Variants in PIEZO2 observed in about 807,000 individuals in gnomAD.
PIEZO2 encodes piezo type mechanosensitive ion channel component 2.
PIEZO2 carries 172 observed loss-of-function variants against 337.3 expected under a neutral mutation model. The ratio of observed to expected loss-of-function variants is 0.51; its 90% CI spans 0.45 to 0.58. The LOEUF (loss-of-function observed/expected upper bound fraction) is 0.58. Among genes scored for constraint, PIEZO2 ranks in the 20% least tolerant of loss-of-function variants. PIEZO2 has a pLI of 0.00. For missense variants in PIEZO2, 3,028 were observed against 3,391.3 expected, an observed-to-expected ratio of 0.89 and a Z score of 2.66; for synonymous variants, 1,251 against 1,228.5, an observed-to-expected ratio of 1.02 and a Z score of -0.38.
chr18:10,946,923 A>AT (rs143464630), intron 3 of PIEZO2, among the ~76,000 whole-genome samples: 7,701 of 151,872 alleles, frequency 0.051, 298 homozygotes, highest in East Asian at 0.12. Context: ...TCTGGCAAGA[A>AT]TTTTAAAGCA....
rs1225812864 is a variant in PIEZO2 at position 10,853,841 on chromosome 18, ACC to A, written c.917+1510_917+1511del. On this transcript the variant is annotated intron_variant, in intron 7 of 55. Coordinates refer to ENST00000674853, the MANE Select transcript of PIEZO2 (RefSeq NM_001378183.1). This position sits in a 1 kb window ranked among gnomAD's most constrained non-coding sequence, Gnocchi z 4.2. ...CTAAAATAATGGCATTTTTCTGTCT[ACC>A]CACAAAACCATCATACACCTAAGAA... is the stretch of plus-strand genomic sequence containing the variant. Among the ~76,000 whole-genome samples the A allele has an allele frequency of 4.6e-5, 7 of 152,338 alleles. No individual in the cohort carries two copies. The South Asian group carries it at 1.5e-3, about 32-fold the overall frequency.
In PIEZO2 at chr18:11,036,634, C is replaced by T. The variant is rs538637975; in HGVS notation, c.160+29493G>A. On this transcript the variant is annotated intron_variant, in intron 2 of 55. Transcript: ENST00000674853. ...ATATTTTATTTTATATAAACTCTGA[C>T]AGACTTTTGCAGGCACTGAATAATT... is the stretch of plus-strand genomic sequence containing the variant. Among the ~76,000 whole-genome samples, 11 of 151,780 alleles carry T rather than the reference C, an allele frequency of 7.2e-5. No individual in the cohort carries two copies. In the South Asian group the frequency reaches 2.1e-3, roughly 29 times the overall value.
Position 11,001,509 on chromosome 18 carries a change from CTATGTAG to C in PIEZO2, c.161-21856_161-21850del, listed in dbSNP as rs1387984261. Among the ~76,000 whole-genome samples, 1 of 152,116 alleles carries C rather than the reference CTATGTAG, an allele frequency of 6.6e-6. No individual in the cohort carries two copies. The highest frequency in any genetic ancestry group is 6.5e-5 in the Admixed American group (1 of 15,272). ...ACGACTGTGATTATCCTCCAGTCCC[CTATGTAG>C]CTGTATTTTGTTATGTGTTGTGTGT... is the stretch of plus-strand genomic sequence containing the variant. On this transcript the variant is annotated intron_variant, in intron 2 of 55. Coordinates refer to ENST00000674853, the MANE Select transcript of PIEZO2 (RefSeq NM_001378183.1). The surrounding 1 kb of genome is among the most constrained non-coding windows in gnomAD (Gnocchi z 5.3).
chr18:11,107,075 C>G (rs2039590718), intron 1 of PIEZO2, among the ~76,000 whole-genome samples: 1 of 152,150 alleles, frequency 6.6e-6, no homozygotes, highest in Admixed American at 6.5e-5. Flanking sequence ...TCAATGACCG[C>G]AACTTTTCAC....
chr18:10,676,641 T>C lies in PIEZO2; in HGVS notation c.8081+1106A>G, dbSNP rs2034014271. 1.3e-5 allele frequency among the ~76,000 whole-genome samples: 2 copies of C among 152,158 alleles called. No homozygotes were observed. The highest frequency in any genetic ancestry group is 4.8e-5 in the African/African-American group (2 of 41,430). ...AGGGTCTTTGCCTGGCTTTTGGTGA[T>C]TATGGTCAGATAAGAGCAAGGTTTG... On this transcript the variant is annotated intron_variant, in intron 53 of 55. Transcript: ENST00000674853. The surrounding 1 kb of genome is among the most constrained non-coding windows in gnomAD (Gnocchi z 5.1).
chr18:11,024,123 C>T (rs2036435722), intron 2 of PIEZO2, among the ~76,000 whole-genome samples: 1 of 152,234 alleles, frequency 6.6e-6, no homozygotes, highest in South Asian at 2.1e-4. Flanking sequence ...AAGGGCTCCT[C>T]AAGCGCGGCC....
Position 10,794,987 on chromosome 18 carries a change from A to G in PIEZO2, c.1543T>C (p.Tyr515His), listed in dbSNP as rs777924794. The change falls in exon 13 of 56, where the codon TAT becomes CAT. Residue 515 changes from tyrosine to histidine, a missense_variant. Tyr to His is a moderately conservative substitution (Grantham distance 83, BLOSUM62 2). Around this residue, in one of 5 missense-constraint regions of PIEZO2, gnomAD observed 50 missense variants for 88.2 expected, o/e 0.57. Transcript: ENST00000674853. This position sits in a 1 kb window ranked among gnomAD's most constrained non-coding sequence, Gnocchi z 6.6. ...AGCACGAAGGTCAGCCAGCTGTGAT[A>G]GGTGATGCTCCAGGCCTCCGGAGGA... The part of the protein sequence containing the change: ...LIAMMAWSIT[Y>H]HSWLTFVLLI... 1 of 1,545,954 alleles carries G rather than the reference A, an allele frequency of 6.5e-7. No homozygotes were observed. The highest frequency in any genetic ancestry group is 1.2e-5 in the South Asian group (1 of 84,002).
chr18:10,867,853 G>A (rs190329103), intron 5 of PIEZO2, among the ~76,000 whole-genome samples: 10 of 152,306 alleles, frequency 6.6e-5, no homozygotes, highest in African/African-American at 2.2e-4. Flanking sequence ...AGTTATGACT[G>A]ATTTGTAGAT....
At chr18:11,145,303 T>C (rs1023257668) in intron 1 of PIEZO2, among the ~76,000 whole-genome samples, 35 of 152,196 alleles carry the variant, frequency 2.3e-4, no homozygotes, top group African/African-American at 7.5e-4. Flanking sequence ...AACATCTGCA[T>C]TGAAGAGGCC....
In PIEZO2 at chr18:10,759,386, G is replaced by C; in HGVS notation, c.3757+96C>G. On this transcript the variant is annotated intron_variant, in intron 26 of 55. Coordinates refer to ENST00000674853, the MANE Select transcript of PIEZO2 (RefSeq NM_001378183.1). The surrounding 1 kb of genome is among the most constrained non-coding windows in gnomAD (Gnocchi z 5.5). ...AGCCTTTACATGATTACGAAGTCTAGTGGAAGACAAAAGGCACTAATGCAT... is the reference window on the plus strand; with the variant it reads ...AGCCTTTACATGATTACGAAGTCTACTGGAAGACAAAAGGCACTAATGCAT... 1 of 1,029,462 alleles carries C rather than the reference G, an allele frequency of 9.7e-7. No homozygotes were observed. The highest frequency in any genetic ancestry group is 3.0e-4 in the Middle Eastern group (1 of 3,318). The allele number at this position is 1,029,462 out of a possible 1,614,324, so 63.8% of individuals were successfully genotyped here. A position where few individuals can be genotyped will look rare whatever the true frequency, so the allele number is the denominator to read the frequency against.
In PIEZO2 at chr18:10,794,961, C is replaced by T. The variant is rs569817572; in HGVS notation, c.1569G>A (p.Leu523=). 4.7e-5 allele frequency: 73 copies of T among 1,547,784 alleles called. No homozygotes were observed. In the African/African-American group the frequency reaches 9.3e-4, roughly 20 times the overall value. ...TCCAAAGAGTGCACGACCAGATCAG[C>T]AGCACGAAGGTCAGCCAGCTGTGAT... ...ITYHSWLTFV[L]LIWSCTLWMI... is the part of the protein sequence containing the mutation. Residue 523 remains leucine, a synonymous_variant, in exon 13 of 56, where the codon CTG becomes CTA. Coordinates refer to ENST00000674853, the MANE Select transcript of PIEZO2 (RefSeq NM_001378183.1). This position sits in a 1 kb window ranked among gnomAD's most constrained non-coding sequence, Gnocchi z 6.6.
chr18:10,994,116 C>T (rs1375482509), intron 2 of PIEZO2, among the ~76,000 whole-genome samples: 1 of 152,134 alleles, frequency 6.6e-6, no homozygotes, highest in East Asian at 1.9e-4. Flanking sequence ...TTTGGTTTTC[C>T]ATTCCTAAAT....
At position 11,079,588 on chromosome 18, in the gene PIEZO2, T is replaced by G. The variant is rs12455449; in HGVS notation, c.65-13366A>C. Among the ~76,000 whole-genome samples the G allele has an allele frequency of 1.8e-3, 276 of 152,344 alleles. 2 individuals are homozygous for G. Among genetic ancestry groups the G allele is most frequent in the Middle Eastern group, 3.4e-3 (1 of 294 alleles). The stretch of plus-strand genomic sequence containing the variant: ...GAGCTGTTTCCTGTTCATTACCGAT[T>G]ACTCCAGTCTCTACTCCATTTCTGC... On this transcript the variant is annotated intron_variant, in intron 1 of 55. Coordinates refer to ENST00000674853, the MANE Select transcript of PIEZO2 (RefSeq NM_001378183.1).
intron 3 of PIEZO2, among the ~76,000 whole-genome samples, chr18:10,950,846 C>G (rs944130901): frequency 6.6e-6 from 1 of 152,180 alleles, no homozygotes; most frequent in Admixed American, 6.6e-5. Context: ...GACAATAAGC[C>G]TCGCTGATTT....
intron 2 of PIEZO2, among the ~76,000 whole-genome samples, chr18:11,053,614 G>C (rs1401378774): frequency 6.6e-6 from 1 of 152,272 alleles, no homozygotes; most frequent in African/African-American, 2.4e-5. Flanking sequence ...ACTTATTGTG[G>C]CCTTTTTCCA....
At chr18:11,010,430 T>C (rs2035856110) in intron 2 of PIEZO2, among the ~76,000 whole-genome samples, 1 of 152,134 alleles carries the variant, frequency 6.6e-6, no homozygotes, top group East Asian at 1.9e-4. Context: ...GACAGACACC[T>C]AATCACACAA....
intron 28 of PIEZO2, among the ~76,000 whole-genome samples, chr18:10,751,442 T>C (rs2037640817): frequency 6.6e-6 from 1 of 152,214 alleles, no homozygotes; most frequent in Admixed American, 6.5e-5. Context: ...CTACTCCAAA[T>C]GTAAATTGAT....
intron 20 of PIEZO2, among the ~76,000 whole-genome samples, chr18:10,770,685 T>C (rs1216814300): frequency 6.6e-6 from 1 of 152,034 alleles, no homozygotes; most frequent in African/African-American, 2.4e-5. Context: ...ATCAACATTA[T>C]TTACTTTTCT....
intron 36 of PIEZO2, chr18:10,725,301 C>T: frequency 6.3e-7 from 1 of 1,582,730 alleles, no homozygotes; most frequent in East Asian, 2.2e-5. Flanking sequence ...TGGGTAAATA[C>T]AGCAGAAGGA....
Sources: allele counts gnomAD v4.1 joint callset (sites outside exome capture counted in the v4.1 genomes callset), GRCh38; gene constraint gnomAD v4.1.1; regional missense constraint gnomAD v4.1.1; non-coding constraint Gnocchi (gnomAD v3.1); transcripts MANE v1.5; gene names NCBI Gene and HGNC (gene_info 2026-07-23, HGNC 2026-07-21).